SGCG: variants seen among roughly 807,000 people sequenced by gnomAD.
SGCG encodes the protein gamma-sarcoglycan.
A neutral mutation model predicts 29.3 loss-of-function variants in SGCG; 26 were observed. That is an observed-to-expected ratio of 0.89 (90% CI 0.65 to 1.23). The LOEUF (loss-of-function observed/expected upper bound fraction) is 1.23. Among genes scored for constraint, SGCG ranks in the 50% most tolerant of loss-of-function variants. The pLI is 0.00. For synonymous variants in SGCG, 145 were observed against 129.7 expected, an observed-to-expected ratio of 1.12 and a Z score of -0.80; for missense variants, 353 against 356.0, an observed-to-expected ratio of 0.99 and a Z score of 0.07.
In SGCG at chr13:23,320,614, TG is replaced by T. The variant is rs138499218; in HGVS notation, c.579-22del. On this transcript the variant is annotated intron_variant, in intron 6 of 7. Coordinates refer to ENST00000218867, the MANE Select transcript of SGCG (RefSeq NM_000231.3). ...TTTTAATACTTTTTTTTTTTTTTTTTGTGCTTCTTTTCCTCATCTCAGATTA... is the reference window on the plus strand; with the variant it reads ...TTTTAATACTTTTTTTTTTTTTTTTTTGCTTCTTTTCCTCATCTCAGATTA... 196,651 of 1,329,810 alleles carry T rather than the reference TG, an allele frequency of 0.15. 9,017 individuals carry two copies. The highest frequency in any genetic ancestry group is 0.2 in the Admixed American group (8,420 of 41,246). The allele number at this position is 1,329,810 out of a possible 1,614,324, so 82.4% of individuals were successfully genotyped here.
chr13:23,191,987 A>C (rs1045188704), intron 1 of SGCG, among the ~76,000 whole-genome samples: 49 of 152,068 alleles, frequency 3.2e-4, no homozygotes, highest in Non-Finnish European at 2.4e-4. Flanking sequence ...CATCCTGGCT[A>C]ACACGGCGAA....
At position 23,273,663 on chromosome 13, in the gene SGCG, G is replaced by A. The variant is rs75125990; in HGVS notation, c.386-5696G>A. On this transcript the variant is annotated intron_variant, in intron 4 of 7. Coordinates refer to ENST00000218867, the MANE Select transcript of SGCG (RefSeq NM_000231.3). ...TTAAAGAGAGACTTTTAAATTTCTGGGTGAATGGGTCTTTTTGCTTTTTAT... is the reference window on the plus strand; with the variant it reads ...TTAAAGAGAGACTTTTAAATTTCTGAGTGAATGGGTCTTTTTGCTTTTTAT... Among the ~76,000 whole-genome samples the A allele has an allele frequency of 3.2e-4, 48 of 152,274 alleles. No individual in the cohort carries two copies. In the East Asian group the frequency reaches 9.1e-3, roughly 29 times the overall value.
chr13:23,169,561 C>G, the SGCG span, among the ~76,000 whole-genome samples: 22 of 151,916 alleles, frequency 1.4e-4, no homozygotes, highest in Non-Finnish European at 7.4e-5. Flanking sequence ...TGCCTGTAGT[C>G]CCAGCTACTC....
chr13:23,193,635 A>G (rs961383796), intron 1 of SGCG, among the ~76,000 whole-genome samples: 12 of 152,338 alleles, frequency 7.9e-5, no homozygotes, highest in African/African-American at 2.4e-4. Context: ...TCAGGAGGTG[A>G]GGAGAAAGTT....
chr13:23,284,592 G>A (rs9552908), intron 5 of SGCG, among the ~76,000 whole-genome samples: 65,939 of 152,008 alleles, frequency 0.43, 15,143 homozygotes, highest in Middle Eastern at 0.65. Flanking sequence ...CTCACCTTCT[G>A]AAGCCTACTT....
chr13:23,173,829 G>T, the SGCG span, among the ~76,000 whole-genome samples: 1 of 152,018 alleles, frequency 6.6e-6, no homozygotes, highest in Non-Finnish European at 1.5e-5. Context: ...AATAAATTGG[G>T]AATAATATTA....
intron 3 of SGCG, among the ~76,000 whole-genome samples, chr13:23,247,970 A>C (rs1388698280): frequency 2.8e-5 from 4 of 143,276 alleles, no homozygotes; most frequent in Non-Finnish European, 6.1e-5. Context: ...AAAAAAAAAA[A>C]AAAAGTTTTT....
chr13:23,218,617 A>T (rs1471353483), intron 2 of SGCG, among the ~76,000 whole-genome samples: 1 of 152,202 alleles, frequency 6.6e-6, no homozygotes, highest in Non-Finnish European at 1.5e-5. Flanking sequence ...TAATTTAAAA[A>T]TCAATATCAG....
At chr13:23,318,247 C>CTACTAGTTATATCCTACTAGTTATGTCT (rs148007651) in intron 6 of SGCG, among the ~76,000 whole-genome samples, 10 of 148,624 alleles carry the variant, frequency 6.7e-5, no homozygotes, top group South Asian at 4.4e-4. Flanking sequence ...TAGTTATGTC[C>CTACTAGTTATATCCTACTAGTTATGTCT]CTCTAGGGAA....
At chr13:23,284,919 C>T (rs551215107) in intron 5 of SGCG, among the ~76,000 whole-genome samples, 27 of 152,292 alleles carry the variant, frequency 1.8e-4, no homozygotes, top group Middle Eastern at 3.4e-3. Context: ...CCCTGTTTGC[C>T]TGGATATCAC....
At chr13:23,254,889 G>A (rs938081385) in intron 4 of SGCG, among the ~76,000 whole-genome samples, 9 of 152,230 alleles carry the variant, frequency 5.9e-5, no homozygotes, top group African/African-American at 2.2e-4. Context: ...CTTCCACATG[G>A]TGTTAAGTCT....
chr13:23,242,556 G>A (rs1171402504), intron 3 of SGCG, among the ~76,000 whole-genome samples: 1 of 152,114 alleles, frequency 6.6e-6, no homozygotes, highest in Non-Finnish European at 1.5e-5. Context: ...CACAACAGCT[G>A]TATTCAAACA....
rs967653643 is a variant in SGCG, at chr13:23,324,556, C to T, written c.*15C>T. The T allele has an allele frequency of 6.2e-7, 1 of 1,606,042 alleles. No homozygotes were observed. Among genetic ancestry groups the T allele is most frequent in the African/African-American group, 1.3e-5 (1 of 74,796 alleles). ...TCTGCCTCTGAGCTGCCTGCGTCCTCTCGGTGAGCTGTGCAGTGCCGGCCC... is the reference window on the plus strand; with the variant it reads ...TCTGCCTCTGAGCTGCCTGCGTCCTTTCGGTGAGCTGTGCAGTGCCGGCCC... On this transcript the variant is annotated 3_prime_UTR_variant, in exon 8 of 8. Transcript: ENST00000218867.
At chr13:23,195,123 G>GT (rs1455307315) in intron 1 of SGCG, among the ~76,000 whole-genome samples, 1 of 152,226 alleles carries the variant, frequency 6.6e-6, no homozygotes, top group Non-Finnish European at 1.5e-5. Context: ...ACCGGTCTTG[G>GT]TTAAGAGGCT....
chr13:23,258,289 A>G (rs1051908612), intron 4 of SGCG, among the ~76,000 whole-genome samples: 1 of 151,852 alleles, frequency 6.6e-6, no homozygotes, highest in Non-Finnish European at 1.5e-5. Context: ...ATTCCTAGGT[A>G]TTTTATTCTC....
the SGCG span, among the ~76,000 whole-genome samples, chr13:23,167,336 G>T: frequency 6.6e-6 from 1 of 152,078 alleles, no homozygotes; most frequent in Admixed American, 6.5e-5. Flanking sequence ...CTTCCAAATC[G>T]TGGCTATTGT....
rs892671921 is a variant in SGCG, at chr13:23,236,190, G to C, written c.297+1478G>C. Among the ~76,000 whole-genome samples, 3 of 152,194 alleles carry C rather than the reference G, an allele frequency of 2.0e-5. No individual in the cohort carries two copies. In the South Asian group the frequency reaches 6.2e-4, roughly 32 times the overall value. On this transcript the variant is annotated intron_variant, in intron 3 of 7. Transcript: ENST00000218867. ...AGTGTGAAACAATCCTGTCCTACAG[G>C]ATTTCCCTTTTGTAAAAGGGGAAGT...
intron 5 of SGCG, among the ~76,000 whole-genome samples, chr13:23,286,354 A>C (rs780069249): frequency 1.1e-4 from 17 of 152,236 alleles, no homozygotes; most frequent in Admixed American, 7.9e-4. Context: ...AGCCACTAAC[A>C]AAAGACCAGG....
chr13:23,223,316 C>T (rs1878759281), intron 2 of SGCG, among the ~76,000 whole-genome samples: 1 of 149,422 alleles, frequency 6.7e-6, no homozygotes, highest in South Asian at 2.1e-4. Flanking sequence ...AATAGAGGCC[C>T]ATATTTTATG....
Sources: gnomAD v4.1 joint callset for allele counts (sites outside exome capture counted in the v4.1 genomes callset) on GRCh38, gnomAD v4.1.1 for gene constraint, MANE v1.5 for transcripts, NCBI Gene and HGNC (gene_info 2026-07-23, HGNC 2026-07-21) for gene names.